Variants in ADCY2 observed in about 807,000 individuals in gnomAD.
The protein encoded by ADCY2 is adenylate cyclase 2.
In ADCY2, 31 loss-of-function variants were observed where a neutral mutation model predicts 125.2. That is an observed-to-expected ratio of 0.25 (90% confidence interval 0.19 to 0.33). The LOEUF (loss-of-function observed/expected upper bound fraction) is 0.33, where lower values mean the gene tolerates loss of function less well. Among genes scored for constraint, ADCY2 ranks in the 10% least tolerant of loss-of-function variants. ADCY2 has a pLI of 1.00. For synonymous variants in ADCY2, 512 were observed against 548.4 expected (o/e 0.93, Z 0.93); for missense variants, 904 against 1,418.2 (o/e 0.64, Z 5.82).
rs150971233 is a variant in ADCY2, at chr5:7,517,571, G to A, written c.409-3167G>A. Among the ~76,000 whole-genome samples the A allele has an allele frequency of 7.2e-5, 11 of 152,190 alleles. No individual in the cohort carries two copies. The East Asian group carries it at 2.1e-3, about 29-fold the overall frequency. On this transcript the variant is annotated intron_variant, in intron 2 of 24. Transcript: ENST00000338316. Reference sequence around the variant, plus strand: ...GTCCTGCCTGCCGAACACTCCCCAAGCACCACTAGCCAAACTCCTGAAATG... The same window carrying A: ...GTCCTGCCTGCCGAACACTCCCCAAACACCACTAGCCAAACTCCTGAAATG...
At chr5:7,696,815 C>G (rs749351771) in intron 6 of ADCY2, among the ~76,000 whole-genome samples, 6 of 152,098 alleles carry the variant, frequency 3.9e-5, no homozygotes, top group African/African-American at 7.2e-5. Flanking sequence ...TTCCACCGAC[C>G]ATGACAACTC....
intron 3 of ADCY2, among the ~76,000 whole-genome samples, chr5:7,537,858 C>T (rs116286812): frequency 1.3e-3 from 197 of 152,340 alleles, no homozygotes; most frequent in African/African-American, 4.5e-3. Context: ...TCACAGGGCC[C>T]TGATTGTGCT....
At chr5:7,662,058 A>G (rs1579289978) in intron 4 of ADCY2, among the ~76,000 whole-genome samples, 2 of 152,206 alleles carry the variant, frequency 1.3e-5, no homozygotes, top group African/African-American at 4.8e-5. Context: ...TCAGATGTGA[A>G]TGTTTGAGGA....
Position 7,396,602 on chromosome 5 carries a change from GCCCGCGGCAGCC to G in ADCY2, c.210+99_210+110del. The G allele has an allele frequency of 1.5e-6, 1 of 674,500 alleles. No individual in the cohort carries two copies. The highest frequency in any genetic ancestry group is 2.0e-6 in the Non-Finnish European group (1 of 502,724). The allele number at this position is 674,500 out of a possible 1,614,324, so 41.8% of individuals were successfully genotyped here. ...GCGTCCCGCTCCGGGCTGCCCCTCGGCCCGCGGCAGCCCCTCGGCCCGCGGCAGCCCCTCGGC... is the reference window on the plus strand; with the variant it reads ...GCGTCCCGCTCCGGGCTGCCCCTCGGCCTCGGCCCGCGGCAGCCCCTCGGC... On this transcript the variant is annotated intron_variant, in intron 1 of 24. Coordinates refer to ENST00000338316, the MANE Select transcript of ADCY2 (RefSeq NM_020546.3). This position sits in a 1 kb window ranked among gnomAD's most constrained non-coding sequence, Gnocchi z 5.7.
chr5:7,404,773 G>T (rs1027144861), intron 1 of ADCY2, among the ~76,000 whole-genome samples: 38 of 152,186 alleles, frequency 2.5e-4, no homozygotes, highest in African/African-American at 9.2e-4. Context: ...ACATTTGCCA[G>T]TGGTGGCTCG....
chr5:7,499,340 GA>G (rs572405774), intron 2 of ADCY2, among the ~76,000 whole-genome samples: 170 of 152,180 alleles, frequency 1.1e-3, no homozygotes, highest in African/African-American at 3.8e-3. Flanking sequence ...GCTGGAGGGA[GA>G]GGGGCACAAA....
rs1737267125 is a variant in ADCY2, at chr5:7,603,016, T to G, written c.571-23151T>G. Among the ~76,000 whole-genome samples, 4 of 152,286 alleles carry G rather than the reference T, an allele frequency of 2.6e-5. No homozygotes were observed. The South Asian group carries it at 8.3e-4, about 32-fold the overall frequency. ...CTGGAGGAGCCCATTGGCTTTGCTG[T>G]CACCCTCTTAAGGAGGCTGCTGCAG... On this transcript the variant is annotated intron_variant, in intron 3 of 24. Coordinates refer to ENST00000338316, the MANE Select transcript of ADCY2 (RefSeq NM_020546.3).
chr5:7,487,063 T>C (rs1742960314), intron 2 of ADCY2, among the ~76,000 whole-genome samples: 1 of 152,224 alleles, frequency 6.6e-6, no homozygotes, highest in African/African-American at 2.4e-5. Context: ...AGTTCATGCC[T>C]GTGAATGAAA....
At chr5:7,699,851 C>A (rs1380895052) in intron 7 of ADCY2, among the ~76,000 whole-genome samples, 3 of 152,184 alleles carry the variant, frequency 2.0e-5, no homozygotes, top group Non-Finnish European at 4.4e-5. Context: ...GCCTCCCAAA[C>A]TGTTGACATG....
chr5:7,503,770 A>G (rs947877865), intron 2 of ADCY2, among the ~76,000 whole-genome samples: 1 of 152,264 alleles, frequency 6.6e-6, no homozygotes, highest in African/African-American at 2.4e-5. Flanking sequence ...GCCAATGTGC[A>G]TGTGGGCACT....
chr5:7,538,603 C>CT (rs977740271), intron 3 of ADCY2, among the ~76,000 whole-genome samples: 1 of 151,966 alleles, frequency 6.6e-6, no homozygotes, highest in Non-Finnish European at 1.5e-5. Context: ...CTCATTTAAA[C>CT]TTTAACATTT....
At chr5:7,820,858 T>C (rs72712292) in intron 24 of ADCY2, among the ~76,000 whole-genome samples, 169 bp downstream of exon 24, 1 of 152,356 alleles carries the variant, frequency 6.6e-6, no homozygotes, top group Non-Finnish European at 1.5e-5. Flanking sequence ...AGTTTCTGTA[T>C]TGACTGTTAA....
intron 18 of ADCY2, among the ~76,000 whole-genome samples, chr5:7,783,178 T>C (rs553055777): frequency 6.6e-6 from 1 of 152,274 alleles, no homozygotes; most frequent in African/African-American, 2.4e-5. Context: ...TATTCTCCAG[T>C]CTGTGTTTCC....
intron 10 of ADCY2, among the ~76,000 whole-genome samples, chr5:7,712,292 T>C (rs1276249929): frequency 2.0e-5 from 3 of 152,238 alleles, no homozygotes; most frequent in Non-Finnish European, 4.4e-5. Flanking sequence ...TTTCCACTTA[T>C]AAATTCTGTC....
At chr5:7,571,757 C>A (rs1426080438) in intron 3 of ADCY2, among the ~76,000 whole-genome samples, 1 of 151,936 alleles carries the variant, frequency 6.6e-6, no homozygotes, top group Non-Finnish European at 1.5e-5. Context: ...AAGCTTAGTA[C>A]CTATTATTTT....
In ADCY2 at chr5:7,743,662, C is replaced by T. The variant is rs758064697; in HGVS notation, c.1872-6C>T. ...CCCTGACTTGCTGCTTTTTGTTTCC[C>T]GGTAGAACGTCCGTCCTGGGCATCT... On this transcript the variant is annotated splice_polypyrimidine_tract_variant and splice_region_variant and intron_variant, in intron 14 of 24. Transcript: ENST00000338316. 2.7e-5 allele frequency: 43 copies of T among 1,613,114 alleles called. No homozygotes were observed. The highest frequency in any genetic ancestry group is 2.2e-4 in the East Asian group (10 of 44,888).
At chr5:7,695,656 C>A in intron 5 of ADCY2, 96 bp from the exon 6 acceptor site, 1 of 652,962 alleles carries the variant, frequency 1.5e-6, no homozygotes, top group Non-Finnish European at 2.4e-6. Flanking sequence ...AAAGTATAAG[C>A]AAAATTACAT....
At chr5:7,673,265 A>ATATATATATATATATATAT (rs1579301434) in intron 4 of ADCY2, among the ~76,000 whole-genome samples, 1 of 3,976 alleles carries the variant, frequency 2.5e-4, no homozygotes, top group Non-Finnish European at 6.8e-4. Flanking sequence ...AAAAAAAAAA[A>ATATATATATATATATATAT]AAAAATATAT....
At chr5:7,403,503 T>G (rs1213180326) in intron 1 of ADCY2, among the ~76,000 whole-genome samples, 1 of 152,206 alleles carries the variant, frequency 6.6e-6, no homozygotes, top group Non-Finnish European at 1.5e-5. Flanking sequence ...AATATTTGAT[T>G]CTCAGGCATA....
Sources: gnomAD v4.1 joint callset for allele counts (sites outside exome capture counted in the v4.1 genomes callset) on GRCh38, gnomAD v4.1.1 for gene constraint, Gnocchi (gnomAD v3.1) non-coding constraint, MANE v1.5 for transcripts, NCBI Gene and HGNC (gene_info 2026-07-23, HGNC 2026-07-21) for gene names.